The following SPG11 variants were observed in gnomAD, a reference collection of about 807,000 sequenced individuals.
The protein encoded by SPG11 is SPG11 vesicle trafficking associated, spatacsin.
Under a neutral mutation model 274.0 loss-of-function variants are expected in SPG11, and 222 were observed. That is an observed-to-expected ratio of 0.81 (90% CI 0.73 to 0.91). The LOEUF is 0.91. Ranked by LOEUF, SPG11 falls within the 40% of genes least tolerant of loss-of-function variation. SPG11 has a pLI of 0.00. For synonymous variants in SPG11, 1,144 were observed against 1,039.7 expected, an observed-to-expected ratio of 1.10 and a Z score of -1.93; for missense variants, 3,114 against 2,872.7, an observed-to-expected ratio of 1.08 and a Z score of -1.92.
chr15:44,641,586 T>TAC (rs147901004), intron 7 of SPG11, among the ~76,000 whole-genome samples: 19,685 of 112,256 alleles, frequency 0.18, 1,719 homozygotes, highest in South Asian at 0.23. Context: ...CCAAATATCT[T>TAC]ACACACACAC....
rs771083813 is a variant in SPG11 at position 44,663,628 on chromosome 15, A to C, written c.20T>G (p.Val7Gly). MAAEEGVASAASAGGSW... is the reference protein window; with the variant it reads MAAEEGGASAASAGGSW... ...ACCGCCGGCGGAAGCAGCACTCGCG[A>C]CCCCTTCCTCTGCAGCCATCTTGGC... is the stretch of plus-strand genomic sequence containing the variant. Residue 7 changes from valine (V) to glycine (G), a missense_variant, in exon 1 of 40, where the codon GTC becomes GGC. Transcript: ENST00000261866. 5 of 1,595,124 alleles carry C rather than the reference A, an allele frequency of 3.1e-6. No individual in the cohort carries two copies. The highest frequency in any genetic ancestry group is 2.2e-5 in the East Asian group (1 of 44,604).
intron 23 of SPG11, 124 bp from the exon 24 acceptor site, chr15:44,597,067 C>T (rs1595861692): frequency 4.0e-6 from 3 of 741,094 alleles, no homozygotes; most frequent in South Asian, 3.5e-5. Context: ...TATTCTCCAA[C>T]AAATACTAAA....
chr15:44,600,583 T>C lies in SPG11; in HGVS notation c.3570A>G (p.Lys1190=), dbSNP rs764190025. Residue 1190 remains lysine, a synonymous_variant, in exon 21 of 40, where the codon AAA becomes AAG. Coordinates refer to ENST00000261866, the MANE Select transcript of SPG11 (RefSeq NM_025137.4). ...PHFSSPDLVN[K]YAIVERLNFA... ...AATTCAGACGTTCCACTATAGCATA[T>C]TTATTAACCAGGTCAGGGCTAGAGA... is the stretch of plus-strand genomic sequence containing the variant. 3.1e-6 allele frequency: 5 copies of C among 1,614,186 alleles called. No individual in the cohort carries two copies. The South Asian group carries it at 5.5e-5, about 18-fold the overall frequency.
At chr15:44,624,242 C>A (rs981154474) in intron 11 of SPG11, among the ~76,000 whole-genome samples, 1 of 150,974 alleles carries the variant, frequency 6.6e-6, no homozygotes, top group African/African-American at 2.4e-5. Flanking sequence ...AATCTCTGCA[C>A]TTTGGGAGAC....
intron 31 of SPG11, among the ~76,000 whole-genome samples, chr15:44,574,379 C>CA (rs2140930387): frequency 6.6e-6 from 1 of 152,322 alleles, no homozygotes; most frequent in Non-Finnish European, 1.5e-5. Flanking sequence ...AGAGCAGCAG[C>CA]AAAACCCTCA....
At position 44,570,714 on chromosome 15, in the gene SPG11, A is replaced by G. The variant is rs2082405859; in HGVS notation, c.6344-56T>C. The G allele has an allele frequency of 7.5e-6, 12 of 1,593,256 alleles. No individual in the cohort carries two copies. In the Admixed American group the frequency reaches 1.8e-4, roughly 23 times the overall value. ...TATGAACCCTGGCTGCCCACTGTCA[A>G]CCTCTGCCTGGCAGGAGGGAAAAAG... is the stretch of plus-strand genomic sequence containing the variant. On this transcript the variant is annotated intron_variant, in intron 33 of 39. Transcript: ENST00000261866.
intron 36 of SPG11, among the ~76,000 whole-genome samples, chr15:44,566,620 A>G (rs771628207): frequency 3.3e-5 from 5 of 152,272 alleles, no homozygotes; most frequent in Non-Finnish European, 5.9e-5. Context: ...CCAAGAGTAC[A>G]ATCCTAAATT....
rs2083897420 is a variant in SPG11 at position 44,626,367 on chromosome 15, G to A, written c.2208C>T (p.Asn736=). 6.2e-7 allele frequency: 1 copy of A among 1,613,210 alleles called. No individual in the cohort carries two copies. Among genetic ancestry groups the A allele is most frequent in the South Asian group, 1.1e-5 (1 of 90,956 alleles). ...LNLVFDNLKK[N]NIKEASELLK... The stretch of plus-strand genomic sequence containing the variant: ...AAAGTTCAGAGGCTTCCTTTATATT[G>A]TTCTTTTTTAAATTGTCAAAGACCA... Residue 736 remains asparagine (N), a synonymous_variant, in exon 11 of 40, where the codon AAC becomes AAT. Coordinates refer to ENST00000261866, the MANE Select transcript of SPG11 (RefSeq NM_025137.4).
At chr15:44,597,106 GATTC>G in intron 23 of SPG11, 163 bp from the exon 24 acceptor site, 1 of 408,838 alleles carries the variant, frequency 2.4e-6, no homozygotes, top group Non-Finnish European at 4.4e-6. Flanking sequence ...GAAAAAAGTA[GATTC>G]TTTTTTTTTT....
At chr15:44,578,293 A>G (rs1468158312) in intron 30 of SPG11, among the ~76,000 whole-genome samples, 2 of 151,368 alleles carry the variant, frequency 1.3e-5, no homozygotes, top group Admixed American at 1.3e-4. Flanking sequence ...GGCCTCCCAA[A>G]GTGCTGGGAT....
chr15:44,592,552 C>T (rs1014596205), intron 26 of SPG11, 114 bp from the exon 27 acceptor site: 13 of 726,758 alleles, frequency 1.8e-5, no homozygotes, highest in Non-Finnish European at 2.7e-5. Flanking sequence ...GGCACAGTGG[C>T]TCATGCCTGT....
At chr15:44,590,459 A>G (rs2082875306) in intron 27 of SPG11, 1 of 151,770 alleles carries the variant, frequency 6.6e-6, no homozygotes, top group South Asian at 2.1e-4. Context: ...TTGTGTTGGT[A>G]AAGAACAGGG....
At chr15:44,617,851 T>C (rs907069241) in intron 15 of SPG11, among the ~76,000 whole-genome samples, 3 of 152,042 alleles carry the variant, frequency 2.0e-5, no homozygotes, top group African/African-American at 7.2e-5. Flanking sequence ...AATTTTTGTA[T>C]TTTTAGTAGA....
At chr15:44,596,571 G>A (rs1173038422) in intron 24 of SPG11, among the ~76,000 whole-genome samples, 1 of 144,660 alleles carries the variant, frequency 6.9e-6, no homozygotes, top group African/African-American at 2.6e-5. Flanking sequence ...CAGTACTAGT[G>A]CCTTGTCTGA....
chr15:44,569,939 C>T (rs1034796690), intron 34 of SPG11, among the ~76,000 whole-genome samples: 2 of 152,160 alleles, frequency 1.3e-5, no homozygotes, highest in Non-Finnish European at 1.5e-5. Flanking sequence ...AACTCCTGAC[C>T]TCAGGCAATC....
In SPG11 at chr15:44,569,417, A is replaced by T; in HGVS notation, c.6566T>A (p.Met2189Lys). 6.2e-7 allele frequency: 1 copy of T among 1,604,520 alleles called. No homozygotes were observed. Among genetic ancestry groups the T allele is most frequent in the Non-Finnish European group, 8.5e-7 (1 of 1,174,698 alleles). ...ACCTACCGGATCCAACTTCTTCCTC[A>T]TTAGCACTTCAAAGTAGTGCTTTTT... ...LHKKHYFEVL[M>K]RKKLDPSGTL... is the part of the protein sequence containing the mutation. The change falls in exon 35 of 40, where the codon ATG becomes AAG. Residue 2189 changes from methionine to lysine, a missense_variant. Transcript: ENST00000261866.
At chr15:44,572,362 A>G in intron 33 of SPG11, 2 of 366,032 alleles carry the variant, frequency 5.5e-6, no homozygotes, top group Admixed American at 7.8e-5. Context: ...CACTTAACAG[A>G]TGTAATCAGC....
intron 11 of SPG11, among the ~76,000 whole-genome samples, chr15:44,625,694 T>C (rs1161057118): frequency 6.6e-6 from 1 of 152,156 alleles, no homozygotes; most frequent in Non-Finnish European, 1.5e-5. Flanking sequence ...TTAGTTACTT[T>C]TTGAGATGGA....
At chr15:44,631,891 C>T (rs1232887813) in intron 8 of SPG11, among the ~76,000 whole-genome samples, 1 of 150,672 alleles carries the variant, frequency 6.6e-6, no homozygotes, top group Non-Finnish European at 1.5e-5. Context: ...TCACTGCAGC[C>T]TCAACCTCCC....
Sources: gnomAD v4.1 joint callset for allele counts (sites outside exome capture counted in the v4.1 genomes callset) on GRCh38, gnomAD v4.1.1 for gene constraint, MANE v1.5 for transcripts, NCBI Gene and HGNC (gene_info 2026-07-23, HGNC 2026-07-21) for gene names.